PSMA8: variants seen among roughly 807,000 people sequenced by gnomAD.
PSMA8 encodes proteasome 20S subunit alpha 8, also known as proteasome subunit alpha-type 8.
A neutral mutation model predicts 32.4 loss-of-function variants in PSMA8; 18 were observed. The ratio of observed to expected loss-of-function variants is 0.56; its 90% confidence interval spans 0.38 to 0.82. PSMA8 has a LOEUF of 0.82. Among genes scored for constraint, PSMA8 ranks in the 40% least tolerant of loss-of-function variants. PSMA8 has a pLI of 0.00. For missense variants in PSMA8, 298 were observed against 300.7 expected, an observed-to-expected ratio of 0.99 and a Z score of 0.07; for synonymous variants, 104 against 98.1, an observed-to-expected ratio of 1.06 and a Z score of -0.36.
intron 4 of PSMA8, 126 bp from the exon 5 acceptor site, chr18:26,178,704 G>A (rs913283155): frequency 5.1e-5 from 41 of 801,964 alleles, no homozygotes; most frequent in Non-Finnish European, 7.2e-5. Context: ...TTTCAAATCT[G>A]TAATTTTCAT....
intron 4 of PSMA8, among the ~76,000 whole-genome samples, chr18:26,167,645 A>G (rs1466961946): frequency 6.6e-6 from 1 of 152,142 alleles, no homozygotes; most frequent in Non-Finnish European, 1.5e-5. Flanking sequence ...GACACCAGAG[A>G]GCTCTCTCTT....
At chr18:26,190,593 A>G (rs1218805217) in intron 6 of PSMA8, among the ~76,000 whole-genome samples, 1 of 152,114 alleles carries the variant, frequency 6.6e-6, no homozygotes, top group African/African-American at 2.4e-5. Flanking sequence ...TACAAAAAAT[A>G]CAAAAGTTAG....
At chr18:26,177,073 T>G (rs977168851) in intron 4 of PSMA8, among the ~76,000 whole-genome samples, 1 of 152,220 alleles carries the variant, frequency 6.6e-6, no homozygotes, top group Admixed American at 6.5e-5. Flanking sequence ...GGCAGCATAG[T>G]GTATCAAGTT....
At chr18:26,159,479 T>G (rs1283114143) in intron 4 of PSMA8, among the ~76,000 whole-genome samples, 1 of 152,110 alleles carries the variant, frequency 6.6e-6, no homozygotes. Flanking sequence ...CTAGATTTCT[T>G]GTCTCCTAAA....
intron 6 of PSMA8, among the ~76,000 whole-genome samples, chr18:26,180,178 G>A (rs537821608): frequency 5.3e-5 from 8 of 152,238 alleles, no homozygotes; most frequent in Non-Finnish European, 8.8e-5. Context: ...ACTTCAACCC[G>A]GGAGGCGGAA....
chr18:26,152,334 G>A (rs527625053), intron 3 of PSMA8, among the ~76,000 whole-genome samples: 12 of 151,904 alleles, frequency 7.9e-5, no homozygotes, highest in Non-Finnish European at 1.3e-4. Context: ...TTTTGTTTTT[G>A]TGTTTTTTGA....
chr18:26,174,070 A>G lies in PSMA8; in HGVS notation c.478-4760A>G, dbSNP rs907555981. ...AATTGTTTCATTTCTTCTGTTGACA[A>G]TTTAGTAAGGGAAGTTTGTGTTTTA... is the stretch of plus-strand genomic sequence containing the variant. On this transcript the variant is annotated intron_variant, in intron 4 of 6. Transcript: ENST00000415576. 5.3e-5 allele frequency among the ~76,000 whole-genome samples: 8 copies of G among 152,242 alleles called. No individual in the cohort carries two copies. In the South Asian group the frequency reaches 1.7e-3, roughly 32 times the overall value.
intron 3 of PSMA8, among the ~76,000 whole-genome samples, chr18:26,154,224 A>G (rs1281593798): frequency 1.3e-5 from 2 of 152,190 alleles, no homozygotes; most frequent in Non-Finnish European, 2.9e-5. Flanking sequence ...TTGTTTTTAT[A>G]GAGATTTTTA....
chr18:26,142,939 A>G (rs2054970751), intron 1 of PSMA8, among the ~76,000 whole-genome samples: 2 of 152,140 alleles, frequency 1.3e-5, no homozygotes, highest in African/African-American at 2.4e-5. Context: ...AACCACAGCA[A>G]CTCAATCCCT....
At chr18:26,174,490 T>G (rs1177212897) in intron 4 of PSMA8, among the ~76,000 whole-genome samples, 1 of 152,236 alleles carries the variant, frequency 6.6e-6, no homozygotes, top group African/African-American at 2.4e-5. Flanking sequence ...TTAAATAAAA[T>G]TAGCTCATAA....
chr18:26,162,504 C>T (rs536346581), intron 4 of PSMA8, among the ~76,000 whole-genome samples: 2 of 152,080 alleles, frequency 1.3e-5, no homozygotes, highest in East Asian at 3.8e-4. Flanking sequence ...TAACTAAAAA[C>T]TCTCCTTCTA....
chr18:26,161,758 GAAGTATTCAGTT>G (rs1408918393), intron 4 of PSMA8, among the ~76,000 whole-genome samples: 1 of 152,136 alleles, frequency 6.6e-6, no homozygotes, highest in Non-Finnish European at 1.5e-5. Flanking sequence ...AAAATGCAAG[GAAGTATTCAGTT>G]AAGTCCATAG....
At chr18:26,183,052 A>G (rs1399311190) in intron 6 of PSMA8, among the ~76,000 whole-genome samples, 3 of 148,664 alleles carry the variant, frequency 2.0e-5, no homozygotes, top group Non-Finnish European at 4.5e-5. Context: ...AGATCATGCT[A>G]TCGCACTCCA....
intron 3 of PSMA8, among the ~76,000 whole-genome samples, chr18:26,154,124 A>T (rs1173745165): frequency 6.6e-6 from 1 of 151,534 alleles, no homozygotes; most frequent in Non-Finnish European, 1.5e-5. Context: ...CTGGTCTCGA[A>T]CTCCTGAGCT....
Position 26,171,330 on chromosome 18 carries a change from C to G in PSMA8, c.478-7500C>G. On this transcript the variant is annotated intron_variant, in intron 4 of 6. Coordinates refer to ENST00000415576, the MANE Select transcript of PSMA8 (RefSeq NM_001025096.2). ...TCCGAGCCCGCTCGTTACAGCAGAACGCGCGGTCAAGTTTGGCGCGAAATT... is the reference window on the plus strand; with the variant it reads ...TCCGAGCCCGCTCGTTACAGCAGAAGGCGCGGTCAAGTTTGGCGCGAAATT... The G allele has an allele frequency of 1.8e-5, 26 of 1,469,428 alleles. 2 individuals carry two copies. Among genetic ancestry groups the G allele is most frequent in the African/African-American group, 8.4e-5 (2 of 23,820 alleles). 91.0% of individuals were successfully genotyped at this position (1,469,428 alleles called of 1,614,324 possible).
At chr18:26,154,894 C>T (rs2055075778) in intron 3 of PSMA8, among the ~76,000 whole-genome samples, 1 of 151,832 alleles carries the variant, frequency 6.6e-6, no homozygotes, top group South Asian at 2.1e-4. Flanking sequence ...GGATTACAGG[C>T]GTGAGCCACC....
Position 26,168,133 on chromosome 18 carries a change from A to G in PSMA8, c.477+9889A>G, listed in dbSNP as rs1347059136. Among the ~76,000 whole-genome samples the G allele has an allele frequency of 4.4e-5, 5 of 113,050 alleles. 1 individual carries two copies. In the Admixed American group the frequency reaches 4.5e-4, roughly 10 times the overall value. The allele number at this position is 113,050 out of a possible 152,430, so 74.2% of individuals were successfully genotyped here. A position where few individuals can be genotyped will look rare whatever the true frequency, so the allele number is the denominator to read the frequency against. On this transcript the variant is annotated intron_variant, in intron 4 of 6. Coordinates refer to ENST00000415576, the MANE Select transcript of PSMA8 (RefSeq NM_001025096.2). Reference sequence around the variant, plus strand: ...AAATTTTAAAAAGGCTTTTCAGTTTATAATGCATCCTAACAGTCCCCTGCC... The same window carrying G: ...AAATTTTAAAAAGGCTTTTCAGTTTGTAATGCATCCTAACAGTCCCCTGCC...
chr18:26,154,685 T>C (rs901978670), intron 3 of PSMA8, among the ~76,000 whole-genome samples: 3 of 152,170 alleles, frequency 2.0e-5, no homozygotes, highest in South Asian at 2.1e-4. Context: ...GCAATCTTCT[T>C]GGCTCACTGC....
chr18:26,143,386 C>T (rs2054975187), intron 1 of PSMA8, among the ~76,000 whole-genome samples: 1 of 152,266 alleles, frequency 6.6e-6, no homozygotes, highest in East Asian at 1.9e-4. Context: ...ATGGTTGGTT[C>T]CTGCCTTGTA....
Sources: allele counts gnomAD v4.1 joint callset (sites outside exome capture counted in the v4.1 genomes callset), GRCh38; gene constraint gnomAD v4.1.1; transcripts MANE v1.5; gene names NCBI Gene and HGNC (gene_info 2026-07-23, HGNC 2026-07-21).